The following PIP5K1C variants were observed in gnomAD, a reference collection of about 807,000 sequenced individuals.
The protein encoded by PIP5K1C is phosphatidylinositol 4-phosphate 5-kinase type-1 gamma.
A neutral mutation model predicts 80.1 loss-of-function variants in PIP5K1C; 45 were observed. The observed-to-expected ratio is 0.56, with a 90% confidence interval of 0.44 to 0.72. PIP5K1C has a LOEUF of 0.72. PIP5K1C is among the 30% of genes least tolerant of loss of function. PIP5K1C has a pLI of 0.00. For missense variants in PIP5K1C, 753 were observed against 954.6 expected (o/e 0.79, Z 2.78); for synonymous variants, 498 against 420.1 (o/e 1.19, Z -2.27).
intron 1 of PIP5K1C, among the ~76,000 whole-genome samples, chr19:3,679,201 A>C (rs140513179): frequency 2.6e-3 from 403 of 152,162 alleles, no homozygotes; most frequent in Non-Finnish European, 4.7e-3. Flanking sequence ...ACGGTTTTTG[A>C]GGGAACTCTG....
intron 1 of PIP5K1C, among the ~76,000 whole-genome samples, chr19:3,690,210 A>G (rs2035905505): frequency 6.6e-6 from 1 of 152,086 alleles, no homozygotes; most frequent in Admixed American, 6.6e-5. Flanking sequence ...AAAAGTCCAG[A>G]AATAGGCTGG....
intron 1 of PIP5K1C, among the ~76,000 whole-genome samples, chr19:3,681,864 C>A (rs1414225669): frequency 6.6e-6 from 1 of 152,092 alleles, no homozygotes. Flanking sequence ...GGTCACTTAG[C>A]CAAACGAGCC....
At position 3,647,534 on chromosome 19, in the gene PIP5K1C, T is replaced by C. The variant is rs546058349; in HGVS notation, c.1212-148A>G. ...CAAAACTCAGGGTGGCAGGTGCTCCTGGCAGGGAGTGGGTGGAGGCTCTCT... is the reference window on the plus strand; with the variant it reads ...CAAAACTCAGGGTGGCAGGTGCTCCCGGCAGGGAGTGGGTGGAGGCTCTCT... On this transcript the variant is annotated intron_variant, in intron 9 of 17. Coordinates refer to ENST00000335312, the MANE Select transcript of PIP5K1C (RefSeq NM_012398.3). 5.7e-5 allele frequency: 42 copies of C among 734,620 alleles called. 1 individual carries two copies. In the South Asian group the frequency reaches 6.1e-4, roughly 11 times the overall value. The allele number at this position is 734,620 out of a possible 1,614,324, so 45.5% of individuals were successfully genotyped here.
chr19:3,686,702 G>C (rs889150988), intron 1 of PIP5K1C, among the ~76,000 whole-genome samples: 1 of 151,130 alleles, frequency 6.6e-6, no homozygotes, highest in Non-Finnish European at 1.5e-5. Context: ...TGGGCAACAG[G>C]AGCGAAACTC....
At position 3,664,840 on chromosome 19, in the gene PIP5K1C, G is replaced by GC; in HGVS notation, c.200dup (p.Glu68ArgfsTer87). 1 of 1,613,080 alleles carries GC rather than the reference G, an allele frequency of 6.2e-7. No homozygotes were observed. Among genetic ancestry groups the GC allele is most frequent in the Non-Finnish European group, 8.5e-7 (1 of 1,179,842 alleles). ...GAGGAACCTTCTTGTAGGTGGTTTC[G>GC]CCGGATGCGTCCACACCTCGATGGC... On this transcript the variant is annotated frameshift_variant, in exon 3 of 18. Transcript: ENST00000335312. LOFTEE classifies it high-confidence loss of function.
In PIP5K1C at chr19:3,637,538, T is replaced by TC. The variant is rs1290117687; in HGVS notation, c.1920+1345dup. ...GGTGGCCGGCTGCGGTCACTTACAG[T>TC]CCCCGAGGCGCTCAGCGTCACGGCC... On this transcript the variant is annotated intron_variant, in intron 16 of 17. Coordinates refer to ENST00000335312, the MANE Select transcript of PIP5K1C (RefSeq NM_012398.3). This position sits in a 1 kb window ranked among gnomAD's most constrained non-coding sequence, Gnocchi z 7.0. 3.2e-5 allele frequency: 46 copies of TC among 1,448,054 alleles called. No homozygotes were observed. Among genetic ancestry groups the TC allele is most frequent in the Non-Finnish European group, 4.0e-5 (44 of 1,097,860 alleles). The allele number at this position is 1,448,054 out of a possible 1,614,324, so 89.7% of individuals were successfully genotyped here. A position where few individuals can be genotyped will look rare whatever the true frequency, so the allele number is the denominator to read the frequency against.
chr19:3,656,672 G>A (rs773699206), intron 5 of PIP5K1C, 115 bp from the exon 6 acceptor site: 34 of 1,191,366 alleles, frequency 2.9e-5, no homozygotes, highest in Non-Finnish European at 3.9e-5. Flanking sequence ...GCATTTTACA[G>A]ATGCGGAAAG....
intron 1 of PIP5K1C, among the ~76,000 whole-genome samples, chr19:3,678,447 G>A (rs1235925900): frequency 1.5e-5 from 2 of 130,744 alleles, no homozygotes; most frequent in Non-Finnish European, 3.4e-5. Flanking sequence ...TGGAGAGATG[G>A]AGGATGGAGG....
In PIP5K1C at chr19:3,648,713, G is replaced by C. The variant is rs747691010; in HGVS notation, c.1128-5C>G. 1.9e-6 allele frequency: 3 copies of C among 1,612,524 alleles called. No homozygotes were observed. Among genetic ancestry groups the C allele is most frequent in the South Asian group, 2.2e-5 (2 of 91,076 alleles). ...ACAGCGGGGATCCCGCCCATCCTGG[G>C]GAGAGAGGCCGAGGGTACCATCAGC... On this transcript the variant is annotated splice_region_variant and splice_polypyrimidine_tract_variant and intron_variant, in intron 8 of 17. Coordinates refer to ENST00000335312, the MANE Select transcript of PIP5K1C (RefSeq NM_012398.3). The surrounding 1 kb of genome is among the most constrained non-coding windows in gnomAD (Gnocchi z 4.3).
chr19:3,643,950 C>T, intron 12 of PIP5K1C, 137 bp downstream of exon 12: 5 of 1,058,700 alleles, frequency 4.7e-6, no homozygotes, highest in Non-Finnish European at 6.8e-6. Context: ...GCCCCCACTC[C>T]CTGGGCAGGC....
chr19:3,683,756 G>A (rs774372306), intron 1 of PIP5K1C, among the ~76,000 whole-genome samples: 4 of 152,162 alleles, frequency 2.6e-5, no homozygotes, highest in Admixed American at 6.5e-5. Context: ...CCAGGCAGAG[G>A]CACAGCCAGT....
rs866522764 is a variant in PIP5K1C, at chr19:3,692,734, C to T, written c.94+7563G>A. ...GAGTCTCGCCCATCCCTCCTCTGCCCGCAGCCCTCCATGGCTCCCACCTCC... is the reference window on the plus strand; with the variant it reads ...GAGTCTCGCCCATCCCTCCTCTGCCTGCAGCCCTCCATGGCTCCCACCTCC... On this transcript the variant is annotated intron_variant, in intron 1 of 17. Coordinates refer to ENST00000335312, the MANE Select transcript of PIP5K1C (RefSeq NM_012398.3). The surrounding 1 kb of genome is among the most constrained non-coding windows in gnomAD (Gnocchi z 5.2). Among the ~76,000 whole-genome samples the T allele has an allele frequency of 1.8e-4, 28 of 152,176 alleles. No individual in the cohort carries two copies. Among genetic ancestry groups the T allele is most frequent in the Admixed American group, 1.8e-3 (27 of 15,292 alleles).
chr19:3,691,351 C>T (rs762453441), intron 1 of PIP5K1C, among the ~76,000 whole-genome samples: 2 of 152,194 alleles, frequency 1.3e-5, no homozygotes, highest in African/African-American at 2.4e-5. Flanking sequence ...CTGGGGATGA[C>T]GGCCCCTTCC....
chr19:3,664,266 C>T (rs1397193816), intron 3 of PIP5K1C, among the ~76,000 whole-genome samples: 1 of 152,172 alleles, frequency 6.6e-6, no homozygotes, highest in Non-Finnish European at 1.5e-5. Flanking sequence ...TGAGCTGATG[C>T]AATGTTCTGG....
intron 2 of PIP5K1C, among the ~76,000 whole-genome samples, chr19:3,665,482 T>G (rs1252132961): frequency 6.7e-6 from 1 of 149,472 alleles, no homozygotes; most frequent in Admixed American, 6.7e-5. Flanking sequence ...GAGGTGGGGG[T>G]GGGAACAGAG....
intron 16 of PIP5K1C, chr19:3,636,386 GC>G: frequency 1.0e-6 from 1 of 985,298 alleles, no homozygotes; most frequent in Non-Finnish European, 1.2e-6. Context: ...CTCCCTTCTG[GC>G]CCCCACACTT....
chr19:3,641,586 C>A, intron 15 of PIP5K1C, 119 bp downstream of exon 15: 1 of 752,530 alleles, frequency 1.3e-6, no homozygotes, highest in Non-Finnish European at 2.3e-6. Context: ...GAAAATCCAC[C>A]ATCTGTGAAT....
intron 1 of PIP5K1C, among the ~76,000 whole-genome samples, chr19:3,669,153 G>A (rs2035117945): frequency 6.6e-6 from 1 of 152,222 alleles, no homozygotes; most frequent in Non-Finnish European, 1.5e-5. Context: ...GCTGAGGTCT[G>A]GCAGCTGGGG....
intron 16 of PIP5K1C, among the ~76,000 whole-genome samples, chr19:3,635,608 C>T (rs1300681117): frequency 6.6e-6 from 1 of 151,946 alleles, no homozygotes; most frequent in Non-Finnish European, 1.5e-5. Context: ...TCGCTTGAAC[C>T]CAGGCCAGAG....
Sources: gnomAD v4.1 joint callset for allele counts (sites outside exome capture counted in the v4.1 genomes callset) on GRCh38, gnomAD v4.1.1 for gene constraint, Gnocchi (gnomAD v3.1) non-coding constraint, MANE v1.5 for transcripts, NCBI Gene and HGNC (gene_info 2026-07-23, HGNC 2026-07-21) for gene names.